TRIM41: variants seen among roughly 807,000 people sequenced by gnomAD.
The protein encoded by TRIM41 is tripartite motif containing 41.
TRIM41 carries 21 observed loss-of-function variants against 60.6 expected under a neutral mutation model. That is an observed-to-expected ratio of 0.35 (90% CI 0.25 to 0.50). The LOEUF (loss-of-function observed/expected upper bound fraction) is 0.50, where lower values mean the gene tolerates loss of function less well. TRIM41 is among the 20% of genes least tolerant of loss of function. The probability of loss-of-function intolerance (pLI) is 0.98; values close to 1 mark genes in which losing one functional copy is unlikely to be tolerated. For synonymous variants in TRIM41, 407 were observed against 344.9 expected (o/e 1.18, Z -2.00); for missense variants, 846 against 868.3 (o/e 0.97, Z 0.32).
intron 1 of TRIM41, chr5:181,228,954 A>C (rs971892902): frequency 3.3e-5 from 5 of 151,962 alleles, no homozygotes; most frequent in East Asian, 1.9e-4. Flanking sequence ...AAAAAAAAAA[A>C]AAAACAGTAA....
chr5:181,234,151 A>G lies in TRIM41; in HGVS notation c.1292-23A>G. On this transcript the variant is annotated intron_variant, in intron 5 of 5. Coordinates refer to ENST00000315073, the MANE Select transcript of TRIM41 (RefSeq NM_033549.5). This position sits in a 1 kb window ranked among gnomAD's most constrained non-coding sequence, Gnocchi z 5.6. ...GGAACAGCCGTTCCAGCCCTGGCGTATTTGTCCTCCCTCCCTCCCAAGTGG... is the reference window on the plus strand; with the variant it reads ...GGAACAGCCGTTCCAGCCCTGGCGTGTTTGTCCTCCCTCCCTCCCAAGTGG... The G allele has an allele frequency of 6.2e-7, 1 of 1,605,348 alleles. No homozygotes were observed. The highest frequency in any genetic ancestry group is 8.5e-7 in the Non-Finnish European group (1 of 1,179,836).
In TRIM41 at chr5:181,224,043, A is replaced by G; in HGVS notation, c.44A>G (p.Gln15Arg). The G allele has an allele frequency of 1.2e-6, 2 of 1,614,206 alleles. No homozygotes were observed. The highest frequency in any genetic ancestry group is 1.7e-6 in the Non-Finnish European group (2 of 1,180,036). The change falls in exon 1 of 6, where the codon CAG becomes CGG. Residue 15 changes from glutamine to arginine, a missense_variant. Coordinates refer to ENST00000315073, the MANE Select transcript of TRIM41 (RefSeq NM_033549.5). ...ACACCCAACCCTGTGCAGACCCTTC[A>G]GGAGGAGGCGGTGTGCGCCATCTGC... The part of the protein sequence containing the change: ...AMTPNPVQTL[Q>R]EEAVCAICLD...
In TRIM41 at chr5:181,235,282, TAATA is replaced by T. The variant is rs1759050719; in HGVS notation, c.*511_*514del. 1.2e-6 allele frequency: 2 copies of T among 1,613,666 alleles called. No individual in the cohort carries two copies. The highest frequency in any genetic ancestry group is 1.7e-6 in the Non-Finnish European group (2 of 1,179,766). On this transcript the variant is annotated 3_prime_UTR_variant, in exon 6 of 6. Coordinates refer to ENST00000315073, the MANE Select transcript of TRIM41 (RefSeq NM_033549.5). Reference sequence around the variant, plus strand: ...GGCTGGGCCAAAGGGTAGAGCTGGGTAATAAATGTCTATTCTCCTGGGGAGGAGG... The same window carrying T: ...GGCTGGGCCAAAGGGTAGAGCTGGGTAATGTCTATTCTCCTGGGGAGGAGG...
chr5:181,234,867 C>T lies in TRIM41; in HGVS notation c.*92C>T, dbSNP rs914439288. The T allele has an allele frequency of 9.9e-6, 16 of 1,611,062 alleles. No homozygotes were observed. The highest frequency in any genetic ancestry group is 8.0e-5 in the African/African-American group (6 of 74,864). On this transcript the variant is annotated 3_prime_UTR_variant, in exon 6 of 6. Coordinates refer to ENST00000315073, the MANE Select transcript of TRIM41 (RefSeq NM_033549.5). This position sits in a 1 kb window ranked among gnomAD's most constrained non-coding sequence, Gnocchi z 5.6. ...AAGTTTGAGGGCTCAAAGGCTCTTC[C>T]CACTGCTTGTTACTGTGTTGCTTCC...
At position 181,235,748 on chromosome 5, in the gene TRIM41, CTCATGT is replaced by C. The variant is rs1442538311; in HGVS notation, c.*976_*981del. The C allele has an allele frequency of 4.0e-6, 1 of 251,610 alleles. No individual in the cohort carries two copies. Among genetic ancestry groups the C allele is most frequent in the African/African-American group, 2.2e-5 (1 of 45,778 alleles). 15.6% of individuals were successfully genotyped at this position (251,610 alleles called of 1,614,324 possible). A position where few individuals can be genotyped will look rare whatever the true frequency, so the allele number is the denominator to read the frequency against. ...CCTCTGCTTTGATGGCTGAGGTGAA[CTCATGT>C]TCTTTGGGAAAAGGGAAGGCGTGCT... is the stretch of plus-strand genomic sequence containing the variant. On this transcript the variant is annotated 3_prime_UTR_variant, in exon 6 of 6. Transcript: ENST00000315073.
At chr5:181,228,738 AG>A (rs1758661076) in intron 1 of TRIM41, 1 of 151,834 alleles carries the variant, frequency 6.6e-6, no homozygotes, top group African/African-American at 2.4e-5. Context: ...AGTTAAGACC[AG>A]CCTGGCCAAC....
At chr5:181,232,604 G>A (rs113274889) in intron 2 of TRIM41, 55 bp from the exon 3 acceptor site, 2 of 1,545,980 alleles carry the variant, frequency 1.3e-6, no homozygotes, top group Non-Finnish European at 1.8e-6. Flanking sequence ...CAAAACTGGA[G>A]GTTATCTTCG....
Position 181,224,500 on chromosome 5 carries a change from C to G in TRIM41, c.501C>G (p.Pro167=), listed in dbSNP as rs149437703. The part of the protein sequence containing the change: ...LEEVEEEDLD[P]VTPLPPPPAP... ...AGGTTGAGGAAGAGGATCTAGACCCCGTCACCCCACTGCCCCCGCCTCCAG... is the reference window on the plus strand; with the variant it reads ...AGGTTGAGGAAGAGGATCTAGACCCGGTCACCCCACTGCCCCCGCCTCCAG... The change falls in exon 1 of 6, where the codon CCC becomes CCG. Residue 167 remains proline, a synonymous_variant. Transcript: ENST00000315073. 5.6e-6 allele frequency: 9 copies of G among 1,612,352 alleles called. No homozygotes were observed. The highest frequency in any genetic ancestry group is 1.6e-4 in the Middle Eastern group (1 of 6,066).
At chr5:181,229,616 T>C (rs1197457157) in intron 1 of TRIM41, 1 of 152,234 alleles carries the variant, frequency 6.6e-6, no homozygotes, top group Non-Finnish European at 1.5e-5. Flanking sequence ...TAGCAAGTAA[T>C]TGAGCAGGAG....
Position 181,233,138 on chromosome 5 carries a change from GT to G in TRIM41, c.1140+250del. The G allele has an allele frequency of 1.4e-6, 1 of 714,538 alleles. No homozygotes were observed. The highest frequency in any genetic ancestry group is 2.5e-6 in the Non-Finnish European group (1 of 395,510). The allele number at this position is 714,538 out of a possible 1,614,324, so 44.3% of individuals were successfully genotyped here. On this transcript the variant is annotated intron_variant, in intron 3 of 5. Transcript: ENST00000315073. The surrounding 1 kb of genome is among the most constrained non-coding windows in gnomAD (Gnocchi z 4.1). The stretch of plus-strand genomic sequence containing the variant: ...GAGGTTTAAATGACAGTTGAGGAAA[GT>G]CTTTTTGACAGTGACATCCTGAAAA...
rs1432988996 is a variant in TRIM41 at position 181,224,141 on chromosome 5, T to G, written c.142T>G (p.Trp48Gly). 1 of 1,613,528 alleles carries G rather than the reference T, an allele frequency of 6.2e-7. No individual in the cohort carries two copies. Among genetic ancestry groups the G allele is most frequent in the East Asian group, 2.2e-5 (1 of 44,848 alleles). Residue 48 changes from tryptophan (W) to glycine (G), a missense_variant, in exon 1 of 6, where the codon TGG becomes GGG. Physicochemically the swap from Trp to Gly is radical, Grantham distance 184. Transcript: ENST00000315073. ...NFCRVCVTQLWGGEDEEDRDE... is the reference protein window; with the variant it reads ...NFCRVCVTQLGGGEDEEDRDE... ...CTGCCGAGTTTGTGTAACCCAGTTG[T>G]GGGGTGGGGAGGATGAGGAGGACAG...
Position 181,235,318 on chromosome 5 carries a change from A to G in TRIM41, c.*543A>G. 2.5e-6 allele frequency: 4 copies of G among 1,614,166 alleles called. No homozygotes were observed. The highest frequency in any genetic ancestry group is 1.3e-5 in the African/African-American group (1 of 75,034). ...TATTCTCCTGGGGAGGAGGGATTCT[A>G]AACTTTCCTTCCGTCCTCAATTTCT... On this transcript the variant is annotated 3_prime_UTR_variant, in exon 6 of 6. Transcript: ENST00000315073.
At chr5:181,224,848 G>A (rs777321218) in intron 1 of TRIM41, 36 bp downstream of exon 1, 1 of 1,612,954 alleles carries the variant, frequency 6.2e-7, no homozygotes, top group Non-Finnish European at 8.5e-7. Context: ...GGAGTTTAGT[G>A]GGGGGATGGA....
At position 181,234,576 on chromosome 5, in the gene TRIM41, C is replaced by G. The variant is rs1758984202; in HGVS notation, c.1694C>G (p.Thr565Arg). ...AAACGCTATCAGGCCCAGAGCTCCA[C>G]AGAACAGACGCTGCTGAGCCCCAGT... is the stretch of plus-strand genomic sequence containing the variant. ...NGKRYQAQSS[T>R]EQTLLSPSEK... Residue 565 changes from threonine (T) to arginine (R), a missense_variant, in exon 6 of 6, where the codon ACA becomes AGA. Coordinates refer to ENST00000315073, the MANE Select transcript of TRIM41 (RefSeq NM_033549.5). This position sits in a 1 kb window ranked among gnomAD's most constrained non-coding sequence, Gnocchi z 5.6. 1 of 1,614,124 alleles carries G rather than the reference C, an allele frequency of 6.2e-7. No individual in the cohort carries two copies.
chr5:181,235,215 G>A lies in TRIM41; in HGVS notation c.*440G>A. 1 of 1,563,980 alleles carries A rather than the reference G, an allele frequency of 6.4e-7. No homozygotes were observed. The highest frequency in any genetic ancestry group is 8.7e-7 in the Non-Finnish European group (1 of 1,151,388). ...CCCCATTCCAATTCCATTTTCTGAT[G>A]CAGATTTTAGCTGAGGGATTTGGAA... On this transcript the variant is annotated 3_prime_UTR_variant, in exon 6 of 6. Transcript: ENST00000315073.
intron 2 of TRIM41, 183 bp downstream of exon 2, chr5:181,231,022 T>A: frequency 2.0e-6 from 1 of 498,070 alleles, no homozygotes; most frequent in Non-Finnish European, 3.7e-6. Context: ...GGAGGCATGT[T>A]CATTCCTGGT....
rs751485336 is a variant in TRIM41, at chr5:181,223,955, C to G, written c.-45C>G. On this transcript the variant is annotated 5_prime_UTR_variant, in exon 1 of 6. Transcript: ENST00000315073. The stretch of plus-strand genomic sequence containing the variant: ...GCGTCGGTAGGGAAGACCCCCGCCC[C>G]TCGCCCCCCCACCGAACCTCTACAC... 1 of 1,532,630 alleles carries G rather than the reference C, an allele frequency of 6.5e-7. No homozygotes were observed. Among genetic ancestry groups the G allele is most frequent in the Non-Finnish European group, 8.8e-7 (1 of 1,135,406 alleles). The allele number at this position is 1,532,630 out of a possible 1,614,324, so 94.9% of individuals were successfully genotyped here.
At position 181,223,944 on chromosome 5, in the gene TRIM41, G is replaced by C; in HGVS notation, c.-56G>C. 1 of 1,534,386 alleles carries C rather than the reference G, an allele frequency of 6.5e-7. No homozygotes were observed. The highest frequency in any genetic ancestry group is 8.8e-7 in the Non-Finnish European group (1 of 1,134,568). Reference sequence around the variant, plus strand: ...GGGTCGCCAGGGCGTCGGTAGGGAAGACCCCCGCCCCTCGCCCCCCCACCG... The same window carrying C: ...GGGTCGCCAGGGCGTCGGTAGGGAACACCCCCGCCCCTCGCCCCCCCACCG... On this transcript the variant is annotated 5_prime_UTR_variant, in exon 1 of 6. Coordinates refer to ENST00000315073, the MANE Select transcript of TRIM41 (RefSeq NM_033549.5).
chr5:181,224,140 G>A lies in TRIM41; in HGVS notation c.141G>A (p.Leu47=), dbSNP rs771248472. 6.2e-7 allele frequency: 1 copy of A among 1,614,210 alleles called. No individual in the cohort carries two copies. Among genetic ancestry groups the A allele is most frequent in the South Asian group, 1.1e-5 (1 of 91,088 alleles). Residue 47 remains leucine (L), a synonymous_variant, in exon 1 of 6, where the codon TTG becomes TTA. Transcript: ENST00000315073. ...TCTGCCGAGTTTGTGTAACCCAGTTGTGGGGTGGGGAGGATGAGGAGGACA... is the reference window on the plus strand; with the variant it reads ...TCTGCCGAGTTTGTGTAACCCAGTTATGGGGTGGGGAGGATGAGGAGGACA... The part of the protein sequence containing the change: ...HNFCRVCVTQ[L]WGGEDEEDRD...
Sources: gnomAD v4.1 joint callset for allele counts on GRCh38, gnomAD v4.1.1 for gene constraint, Gnocchi (gnomAD v3.1) non-coding constraint, MANE v1.5 for transcripts, NCBI Gene and HGNC (gene_info 2026-07-23, HGNC 2026-07-21) for gene names.